Variants in FOXN3 observed in about 807,000 individuals in gnomAD.
The protein encoded by FOXN3 is forkhead box protein N3.
FOXN3 carries 7 observed loss-of-function variants against 38.4 expected under a neutral mutation model. The ratio of observed to expected loss-of-function variants is 0.18; its 90% CI spans 0.10 to 0.34. The LOEUF (loss-of-function observed/expected upper bound fraction) is 0.34. FOXN3 is among the 10% of genes least tolerant of loss of function. The probability of loss-of-function intolerance (pLI) is 1.00; values close to 1 mark genes in which losing one functional copy is unlikely to be tolerated. For missense variants in FOXN3, 456 were observed against 613.4 expected (o/e 0.74, Z 2.71); for synonymous variants, 230 against 242.2 (o/e 0.95, Z 0.47).
chr14:89,456,372 C>A (rs758926404), intron 1 of FOXN3, among the ~76,000 whole-genome samples: 5 of 152,184 alleles, frequency 3.3e-5, no homozygotes, highest in Non-Finnish European at 7.3e-5. Context: ...GAGACCTTGG[C>A]TCTGTCTCTC....
chr14:89,374,764 G>T (rs1890422246), intron 2 of FOXN3, among the ~76,000 whole-genome samples: 1 of 152,026 alleles, frequency 6.6e-6, no homozygotes, highest in Non-Finnish European at 1.5e-5. Context: ...AAGGTTAAGA[G>T]TTCGAGACCA....
At chr14:89,441,699 C>G (rs1892386938) in intron 1 of FOXN3, among the ~76,000 whole-genome samples, 1 of 152,074 alleles carries the variant, frequency 6.6e-6, no homozygotes. Context: ...CCAAACCTGC[C>G]AAGTGGAATG....
At chr14:89,485,087 G>A (rs747328376) in intron 1 of FOXN3, among the ~76,000 whole-genome samples, 2 of 150,012 alleles carry the variant, frequency 1.3e-5, no homozygotes, top group Non-Finnish European at 3.0e-5. Context: ...GGGAGGCGGA[G>A]GTTACAGTGA....
intron 4 of FOXN3, among the ~76,000 whole-genome samples, chr14:89,218,483 AAACAATTGAGTATT>A (rs1884355577): frequency 6.6e-6 from 1 of 152,226 alleles, no homozygotes; most frequent in South Asian, 2.1e-4. Flanking sequence ...GTGTCTTTCA[AAACAATTGAGTATT>A]AAGTTTGTGT....
At chr14:89,591,644 G>T (rs1351424849) in intron 1 of FOXN3, among the ~76,000 whole-genome samples, 2 of 152,198 alleles carry the variant, frequency 1.3e-5, no homozygotes, top group African/African-American at 4.8e-5. Context: ...AAACAAACAG[G>T]AAAGGTGTGG....
At chr14:89,189,998 A>G (rs1887903393) in intron 4 of FOXN3, among the ~76,000 whole-genome samples, 2 of 152,244 alleles carry the variant, frequency 1.3e-5, no homozygotes, top group African/African-American at 4.8e-5. Flanking sequence ...AAAAATGGGT[A>G]CTGCTCAGGT....
At chr14:89,349,837 A>G (rs1182810316) in intron 3 of FOXN3, 1 of 152,236 alleles carries the variant, frequency 6.6e-6, no homozygotes, top group East Asian at 1.9e-4. Flanking sequence ...CTATGACATC[A>G]TGCCATCCCT....
Position 89,296,535 on chromosome 14 carries a change from G to A in FOXN3, c.681-15521C>T, listed in dbSNP as rs139890395. Among the ~76,000 whole-genome samples, 537 of 152,284 alleles carry A rather than the reference G, an allele frequency of 3.5e-3. 2 individuals are homozygous for A. The highest frequency in any genetic ancestry group is 0.012 in the African/African-American group (510 of 41,556). On this transcript the variant is annotated intron_variant, in intron 3 of 5. Transcript: ENST00000557258. ...GGAGTTAAGGGAGGCAGAGCAGCTG[G>A]GCCAAGAGCTCCCAGTCTAGTAGGG...
At chr14:89,422,193 A>AG (rs1891928954), upstream of FOXN3, among the ~76,000 whole-genome samples, 1 of 152,224 alleles carries the variant, frequency 6.6e-6, no homozygotes, top group South Asian at 2.1e-4. Context: ...TAATGTTATA[A>AG]GGGGGTTGAG....
chr14:89,436,412 CA>C (rs1469062155), intron 1 of FOXN3, among the ~76,000 whole-genome samples: 1 of 151,300 alleles, frequency 6.6e-6, no homozygotes, highest in Non-Finnish European at 1.5e-5. Context: ...ACCTAGAAAA[CA>C]AAGTGACGTA....
chr14:89,324,443 C>CGTGTGTGTGTGTGTGTGTGT, intron 3 of FOXN3, among the ~76,000 whole-genome samples: 1 of 143,384 alleles, frequency 7.0e-6, no homozygotes, highest in Non-Finnish European at 1.5e-5. Context: ...TAAGTGTGTG[C>CGTGTGTGTGTGTGTGTGTGT]GTGTGTGTGT....
chr14:89,183,123 C>T (rs886851981), intron 4 of FOXN3, among the ~76,000 whole-genome samples: 9 of 152,280 alleles, frequency 5.9e-5, no homozygotes, highest in East Asian at 5.8e-4. Context: ...TTGTCTAAAA[C>T]GATAGGCTTT....
chr14:89,188,594 A>G (rs1887868106), intron 4 of FOXN3, among the ~76,000 whole-genome samples: 2 of 152,340 alleles, frequency 1.3e-5, no homozygotes, highest in South Asian at 4.1e-4. Context: ...CTCTTCTAGC[A>G]GAAGGTCATG....
At chr14:89,528,523 A>C (rs542466306) in intron 1 of FOXN3, among the ~76,000 whole-genome samples, 1 of 151,256 alleles carries the variant, frequency 6.6e-6, no homozygotes, top group South Asian at 2.1e-4. Flanking sequence ...CAGCCTCCCG[A>C]GTAGCTGGGA....
chr14:89,257,949 C>T (rs1057194183), intron 4 of FOXN3, among the ~76,000 whole-genome samples: 2 of 152,084 alleles, frequency 1.3e-5, no homozygotes, highest in Non-Finnish European at 2.9e-5. Context: ...GCATTTTTAC[C>T]AAGGCTTGAG....
At chr14:89,417,555 C>G (rs1382077065), upstream of FOXN3, 1 of 300,492 alleles carries the variant, frequency 3.3e-6, no homozygotes, top group South Asian at 2.5e-5. Context: ...GTGCCCTGTC[C>G]CCTCCCCGGG....
intron 4 of FOXN3, among the ~76,000 whole-genome samples, chr14:89,277,651 T>C (rs1296528400): frequency 6.6e-6 from 1 of 152,178 alleles, no homozygotes. Context: ...CAGTTAATTC[T>C]TACAATTGGT....
intron 1 of FOXN3, among the ~76,000 whole-genome samples, chr14:89,616,487 C>G (rs1317944198): frequency 2.0e-5 from 3 of 152,066 alleles, no homozygotes; most frequent in Non-Finnish European, 4.4e-5. Context: ...TCCCAAAGTA[C>G]CAGGCAATCT....
At chr14:89,478,096 G>A (rs1397966511) in intron 1 of FOXN3, among the ~76,000 whole-genome samples, 1 of 152,094 alleles carries the variant, frequency 6.6e-6, no homozygotes, top group East Asian at 1.9e-4. Flanking sequence ...GAGTGGCTTG[G>A]GTCATCCCCT....
Sources: allele counts gnomAD v4.1 joint callset (sites outside exome capture counted in the v4.1 genomes callset), GRCh38; gene constraint gnomAD v4.1.1; transcripts MANE v1.5; gene names NCBI Gene and HGNC (gene_info 2026-07-23, HGNC 2026-07-21).